The following BFSP2 variants were observed in gnomAD, a reference collection of about 807,000 sequenced individuals.
The protein encoded by BFSP2 is beaded filament structural protein 2.
Under a neutral mutation model 44.9 loss-of-function variants are expected in BFSP2, and 38 were observed. The ratio of observed to expected loss-of-function variants is 0.85; its 90% confidence interval spans 0.65 to 1.11. The LOEUF is 1.11. Ranked by LOEUF, BFSP2 falls within the 50% of genes least tolerant of loss-of-function variation. The probability of loss-of-function intolerance (pLI) is 0.00; values close to 1 mark genes in which losing one functional copy is unlikely to be tolerated. For missense variants in BFSP2, 525 were observed against 533.0 expected (o/e 0.99, Z 0.15); for synonymous variants, 197 against 209.9 (o/e 0.94, Z 0.53).
intron 4 of BFSP2, 29 bp from the exon 5 acceptor site, chr3:133,466,799 C>T (rs376959328): frequency 5.3e-5 from 85 of 1,602,106 alleles, no homozygotes; most frequent in East Asian, 4.6e-4. Context: ...TGATCATCAC[C>T]GCTCACACTG....
At chr3:133,415,931 G>A (rs1210505621) in intron 1 of BFSP2, among the ~76,000 whole-genome samples, 5 of 111,492 alleles carry the variant, frequency 4.5e-5, no homozygotes, top group African/African-American at 1.8e-4. Context: ...ACTCAGCCCT[G>A]CCATCTCCCC....
intron 1 of BFSP2, chr3:133,445,590 A>AT (rs1002063815): frequency 2.0e-4 from 30 of 152,170 alleles, no homozygotes; most frequent in African/African-American, 7.0e-4. Context: ...AGATCAAAAT[A>AT]TTTTTTAAAA....
At chr3:133,424,620 T>C (rs1354383408) in intron 1 of BFSP2, among the ~76,000 whole-genome samples, 2 of 152,122 alleles carry the variant, frequency 1.3e-5, no homozygotes, top group African/African-American at 4.8e-5. Flanking sequence ...GTTTGTTTTT[T>C]GTTTTTGTTT....
At chr3:133,467,483 T>C (rs920958260) in intron 5 of BFSP2, among the ~76,000 whole-genome samples, 2 of 151,952 alleles carry the variant, frequency 1.3e-5, no homozygotes, top group Non-Finnish European at 2.9e-5. Context: ...CTCCCCCTTT[T>C]CCTGAGAGTA....
At chr3:133,469,402 G>C (rs1576600165) in intron 5 of BFSP2, among the ~76,000 whole-genome samples, 2 of 152,318 alleles carry the variant, frequency 1.3e-5, no homozygotes, top group East Asian at 3.9e-4. Context: ...GAGACTTTCG[G>C]CCCCCTTTGC....
intron 1 of BFSP2, among the ~76,000 whole-genome samples, chr3:133,409,651 T>C (rs541222011): frequency 5.3e-5 from 8 of 152,342 alleles, no homozygotes; most frequent in African/African-American, 1.9e-4. Context: ...GCAAGGACGC[T>C]ATGAAAAACT....
chr3:133,412,822 G>C (rs936449502), intron 1 of BFSP2, among the ~76,000 whole-genome samples: 8 of 152,244 alleles, frequency 5.3e-5, no homozygotes, highest in African/African-American at 1.4e-4. Context: ...CAGAACTCCA[G>C]CTCAGGGGTT....
intron 1 of BFSP2, among the ~76,000 whole-genome samples, chr3:133,428,571 G>GTCC (rs974332294): frequency 6.6e-6 from 1 of 152,128 alleles, no homozygotes; most frequent in Non-Finnish European, 1.5e-5. Context: ...GTGATCTGCC[G>GTCC]TAAGCCTCAA....
chr3:133,417,148 T>TA, intron 1 of BFSP2, among the ~76,000 whole-genome samples: 1 of 81,382 alleles, frequency 1.2e-5, no homozygotes. Flanking sequence ...CCCTCTCCCC[T>TA]CTCTCATCTC....
chr3:133,473,878 T>G (rs2074189835), intron 6 of BFSP2, among the ~76,000 whole-genome samples: 1 of 152,190 alleles, frequency 6.6e-6, no homozygotes, highest in African/African-American at 2.4e-5. Context: ...TCTCCTTTAA[T>G]CAGTGAAGGA....
In BFSP2 at chr3:133,417,206, CGCCTCTCCCCTCT is replaced by C. The variant is rs1559960819; in HGVS notation, c.489+16635_489+16647del. ...CCTCTATCCACCCCTCTAGTCACCC[CGCCTCTCCCCTCT>C]ACTTACCCGTGTCCTCTCCCCTCTA... On this transcript the variant is annotated intron_variant, in intron 1 of 6. Transcript: ENST00000302334. Among the ~76,000 whole-genome samples the C allele has an allele frequency of 1.3e-3, 172 of 134,212 alleles. 2 individuals carry two copies. The highest frequency in any genetic ancestry group is 4.6e-3 in the African/African-American group (160 of 34,644). 88.0% of individuals were successfully genotyped at this position (134,212 alleles called of 152,430 possible). A position where few individuals can be genotyped will look rare whatever the true frequency, so the allele number is the denominator to read the frequency against.
intron 2 of BFSP2, among the ~76,000 whole-genome samples, chr3:133,447,810 A>T (rs1420968159): frequency 6.6e-6 from 1 of 152,222 alleles, no homozygotes; most frequent in African/African-American, 2.4e-5. Context: ...CTACTAGCTT[A>T]CAGTAATGAT....
Position 133,424,218 on chromosome 3 carries a change from T to TGTGTGTGTGTGTGTGTGTG in BFSP2, c.490-23099_490-23098insGTGTGTGTGTGTGTGTGTG, listed in dbSNP as rs1473665826. 1.4e-3 allele frequency among the ~76,000 whole-genome samples: 92 copies of TGTGTGTGTGTGTGTGTGTG among 64,808 alleles called. 3 individuals are homozygous for TGTGTGTGTGTGTGTGTGTG. The highest frequency in any genetic ancestry group is 4.6e-3 in the African/African-American group (87 of 19,082). The allele number at this position is 64,808 out of a possible 152,430, so 42.5% of individuals were successfully genotyped here. A position where few individuals can be genotyped will look rare whatever the true frequency, so the allele number is the denominator to read the frequency against. On this transcript the variant is annotated intron_variant, in intron 1 of 6. Transcript: ENST00000302334. The stretch of plus-strand genomic sequence containing the variant: ...CTACCACCGCGTCCAGCTAATTTTT[T>TGTGTGTGTGTGTGTGTGTG]TTTTTTTTTTTTTTTTTTTTTTTGT...
intron 1 of BFSP2, chr3:133,410,309 G>A (rs549963991): frequency 2.3e-4 from 88 of 376,582 alleles, no homozygotes; most frequent in South Asian, 1.7e-3. Flanking sequence ...CAGTAGACCG[G>A]TGCAGGTGGC....
At chr3:133,449,010 G>A (rs1576586940) in intron 3 of BFSP2, 2 of 248,496 alleles carry the variant, frequency 8.0e-6, no homozygotes, top group East Asian at 1.9e-4. Flanking sequence ...TCTGAGGGTA[G>A]ATCCAAGCTG....
In BFSP2 at chr3:133,400,194, G is replaced by A. The variant is rs756990068; in HGVS notation, c.111G>A (p.Glu37=). The A allele has an allele frequency of 1.2e-6, 2 of 1,614,094 alleles. No individual in the cohort carries two copies. The highest frequency in any genetic ancestry group is 2.2e-5 in the South Asian group (2 of 91,084). ...GGCCACGGTCATCATCCTCCCTGGA[G>A]AGCCCCCCAGCCTCCAGGACCAATG... ...FRGPRSSSSL[E]SPPASRTNAM... Residue 37 remains glutamate, a synonymous_variant, in exon 1 of 7, where the codon GAG becomes GAA. Transcript: ENST00000302334. The surrounding 1 kb of genome is among the most constrained non-coding windows in gnomAD (Gnocchi z 4.0).
chr3:133,448,651 A>C lies in BFSP2; in HGVS notation c.729+6A>C, dbSNP rs774368053. The C allele has an allele frequency of 2.1e-5, 34 of 1,603,292 alleles. No homozygotes were observed. The highest frequency in any genetic ancestry group is 2.8e-5 in the Non-Finnish European group (33 of 1,171,478). On this transcript the variant is annotated splice_donor_region_variant and intron_variant, in intron 3 of 6. Transcript: ENST00000302334. Reference sequence around the variant, plus strand: ...TATCAAGAAACTATGAAGAGGTAGGAGGGGGCTGGGGTTGCTGGGTTGGCC... The same window carrying C: ...TATCAAGAAACTATGAAGAGGTAGGCGGGGGCTGGGGTTGCTGGGTTGGCC...
chr3:133,412,765 G>A (rs543101236), intron 1 of BFSP2, among the ~76,000 whole-genome samples: 5 of 152,362 alleles, frequency 3.3e-5, no homozygotes, highest in Admixed American at 2.6e-4. Context: ...AGAAACGGCC[G>A]GTGGTGAAAG....
chr3:133,422,284 GTTTTC>G (rs2073600445), intron 1 of BFSP2, among the ~76,000 whole-genome samples: 1 of 152,108 alleles, frequency 6.6e-6, no homozygotes, highest in Non-Finnish European at 1.5e-5. Context: ...CTCAGCCTCA[GTTTTC>G]TTAACTGTTA....
Sources: allele counts gnomAD v4.1 joint callset (sites outside exome capture counted in the v4.1 genomes callset), GRCh38; gene constraint gnomAD v4.1.1; non-coding constraint Gnocchi (gnomAD v3.1); transcripts MANE v1.5; gene names NCBI Gene and HGNC (gene_info 2026-07-23, HGNC 2026-07-21).